The following KYAT3 variants were observed in gnomAD, a reference collection of about 807,000 sequenced individuals.
The protein encoded by KYAT3 is kynurenine--oxoglutarate transaminase 3.
A neutral mutation model predicts 59.0 loss-of-function variants in KYAT3; 50 were observed. The ratio of observed to expected loss-of-function variants is 0.85; its 90% CI spans 0.68 to 1.07. KYAT3 has a LOEUF of 1.07. KYAT3 is among the 50% of genes least tolerant of loss of function. The pLI, the probability that KYAT3 is intolerant of heterozygous loss-of-function variation, is 0.00. For synonymous variants in KYAT3, 148 were observed against 177.0 expected (o/e 0.84, Z 1.30); for missense variants, 497 against 533.3 (o/e 0.93, Z 0.67).
At chr1:88,991,565 G>A (rs1258832774) in intron 1 of KYAT3, among the ~76,000 whole-genome samples, 2 of 152,230 alleles carry the variant, frequency 1.3e-5, no homozygotes, top group Admixed American at 6.5e-5. Flanking sequence ...GTCCTGGACG[G>A]GGGAGTACAG....
chr1:88,927,636 A>G, the KYAT3 span, among the ~76,000 whole-genome samples: 2 of 152,072 alleles, frequency 1.3e-5, no homozygotes, highest in African/African-American at 4.8e-5. Flanking sequence ...AATGAACCAA[A>G]GAGTACCAGT....
At position 88,955,490 on chromosome 1, in the gene KYAT3, G is replaced by C. The variant is rs943460046; in HGVS notation, c.788-265C>G. On this transcript the variant is annotated intron_variant, in intron 8 of 13. Transcript: ENST00000260508. ...AATTAGTTCTGGGGCAGGAGTGTCAGGGGCACCAGCAGGCAGTGTTCCAGA... is the reference window on the plus strand; with the variant it reads ...AATTAGTTCTGGGGCAGGAGTGTCACGGGCACCAGCAGGCAGTGTTCCAGA... 2.0e-5 allele frequency among the ~76,000 whole-genome samples: 3 copies of C among 152,230 alleles called. No individual in the cohort carries two copies. In the South Asian group the frequency reaches 6.2e-4, roughly 32 times the overall value.
At chr1:88,964,241 A>T (rs1254341408) in intron 5 of KYAT3, among the ~76,000 whole-genome samples, 1 of 152,178 alleles carries the variant, frequency 6.6e-6, no homozygotes, top group African/African-American at 2.4e-5. Flanking sequence ...CTCACATGGG[A>T]TGGCTTATAC....
At chr1:88,982,133 T>C (rs1189762023) in intron 2 of KYAT3, 3 of 977,294 alleles carry the variant, frequency 3.1e-6, no homozygotes, top group African/African-American at 1.8e-5. Flanking sequence ...ACTGGGTGAA[T>C]AGCACTTTCC....
rs566930202 is a variant in KYAT3, at chr1:88,987,480, T to C, written c.99+772A>G. On this transcript the variant is annotated intron_variant, in intron 2 of 13. Coordinates refer to ENST00000260508, the MANE Select transcript of KYAT3 (RefSeq NM_001008661.3). ...AACCAGTTGAGAGATTAGAATTAGG[T>C]TGAATACAAAATTGTCAATATTCAA... is the stretch of plus-strand genomic sequence containing the variant. 7.9e-5 allele frequency among the ~76,000 whole-genome samples: 12 copies of C among 152,126 alleles called. No individual in the cohort carries two copies. The East Asian group carries it at 1.9e-3, about 24-fold the overall frequency.
intron 1 of KYAT3, among the ~76,000 whole-genome samples, chr1:88,991,646 A>G (rs987618735): frequency 6.6e-6 from 1 of 152,238 alleles, no homozygotes; most frequent in Non-Finnish European, 1.5e-5. Context: ...TGGGCAGCAT[A>G]TGCTTTAAGG....
Position 88,949,190 on chromosome 1 carries a change from C to A in KYAT3, c.1042G>T (p.Val348Leu). ...YFNSLPKELE[V>L]KRDRMVRLLE... The stretch of plus-strand genomic sequence containing the variant: ...AAACGTACCATCCGATCTCTTTTTA[C>A]TTCTAACTCTTTTGGCAAAGAATTA... The change falls in exon 11 of 14, where the codon GTA becomes TTA. Residue 348 changes from valine (V) to leucine (L), a missense_variant. Transcript: ENST00000260508. 6.2e-7 allele frequency: 1 copy of A among 1,610,704 alleles called. No individual in the cohort carries two copies. The highest frequency in any genetic ancestry group is 8.5e-7 in the Non-Finnish European group (1 of 1,178,792).
At chr1:88,953,218 T>C (rs1675753949) in intron 9 of KYAT3, 66 bp from the exon 10 acceptor site, 1 of 1,092,308 alleles carries the variant, frequency 9.2e-7, no homozygotes, top group African/African-American at 1.6e-5. Flanking sequence ...GAGACAGCAG[T>C]TTAAACTTAG....
At chr1:88,984,103 G>C in intron 2 of KYAT3, 2 of 468,090 alleles carry the variant, frequency 4.3e-6, no homozygotes, top group Non-Finnish European at 8.0e-6. Flanking sequence ...AAACTCAGAA[G>C]TGGAAATGTA....
chr1:88,928,283 A>G, the KYAT3 span, among the ~76,000 whole-genome samples: 3 of 152,108 alleles, frequency 2.0e-5, no homozygotes, highest in Non-Finnish European at 4.4e-5. Flanking sequence ...AAAACTTCAG[A>G]AGTCCTCCTT....
intron 11 of KYAT3, among the ~76,000 whole-genome samples, chr1:88,948,331 T>C (rs1171517086): frequency 6.6e-6 from 1 of 152,238 alleles, no homozygotes; most frequent in Non-Finnish European, 1.5e-5. Context: ...TTAGAATGGC[T>C]GTAATTTCTG....
chr1:88,937,344 C>T (rs1275558133), intron 13 of KYAT3, among the ~76,000 whole-genome samples: 1 of 152,156 alleles, frequency 6.6e-6, no homozygotes, highest in Non-Finnish European at 1.5e-5. Context: ...AGGGTATTCT[C>T]TCAGGGACTG....
chr1:88,983,543 C>G (rs1457977645), intron 2 of KYAT3: 9 of 1,614,090 alleles, frequency 5.6e-6, no homozygotes. Flanking sequence ...TGGGGGCGGT[C>G]CATGTCTACC....
chr1:88,972,657 T>C (rs1259145745), intron 2 of KYAT3, among the ~76,000 whole-genome samples: 4 of 152,246 alleles, frequency 2.6e-5, no homozygotes, highest in African/African-American at 7.2e-5. Flanking sequence ...TTCTGAGACA[T>C]AGGCTGATGA....
chr1:88,971,561 T>G (rs1676558351), intron 2 of KYAT3, among the ~76,000 whole-genome samples: 1 of 152,164 alleles, frequency 6.6e-6, no homozygotes, highest in South Asian at 2.1e-4. Flanking sequence ...GGAATACAAT[T>G]TTGTCACATA....
At chr1:88,935,046 T>C (rs1465811212), downstream of KYAT3, among the ~76,000 whole-genome samples, 1 of 140,732 alleles carries the variant, frequency 7.1e-6, no homozygotes, top group African/African-American at 2.7e-5. Context: ...CAGGCTGGAG[T>C]GCAGTGGCAC....
At chr1:88,981,355 T>C (rs567757406) in intron 2 of KYAT3, 7 of 152,376 alleles carry the variant, frequency 4.6e-5, no homozygotes, top group African/African-American at 1.7e-4. Context: ...AATTGAAGAG[T>C]TGTCCCCATG....
intron 2 of KYAT3, chr1:88,980,128 T>C (rs1166378585): frequency 5.3e-5 from 8 of 152,290 alleles, no homozygotes; most frequent in Admixed American, 4.6e-4. Flanking sequence ...CAAACTAATA[T>C]ATGGTGACAA....
rs181121983 is a variant in KYAT3, at chr1:88,938,436, G to A, written c.1303-2191C>T. ...CATGTGAAGATTTGTTACATAGGTA[G>A]ACTCATGTCACAGGGGTTTGTTGTA... On this transcript the variant is annotated intron_variant, in intron 13 of 13. Coordinates refer to ENST00000260508, the MANE Select transcript of KYAT3 (RefSeq NM_001008661.3). 2.6e-3 allele frequency among the ~76,000 whole-genome samples: 399 copies of A among 152,080 alleles called. 1 individual carries two copies. Among genetic ancestry groups the A allele is most frequent in the Non-Finnish European group, 3.7e-3 (251 of 67,966 alleles).
Sources: allele counts gnomAD v4.1 joint callset (sites outside exome capture counted in the v4.1 genomes callset), GRCh38; gene constraint gnomAD v4.1.1; transcripts MANE v1.5; gene names NCBI Gene and HGNC (gene_info 2026-07-23, HGNC 2026-07-21).